FAM240A: variants seen among roughly 807,000 people sequenced by gnomAD.
FAM240A encodes the protein protein FAM240A.
In FAM240A, 8 loss-of-function variants were observed where a neutral mutation model predicts 7.3. That is an observed-to-expected ratio of 1.09 (90% CI 0.64 to 1.97). The LOEUF (loss-of-function observed/expected upper bound fraction) is 1.97. Among genes scored for constraint, FAM240A ranks in the 30% most tolerant of loss-of-function variants. The probability of loss-of-function intolerance (pLI) is 0.00; values close to 1 mark genes in which losing one functional copy is unlikely to be tolerated. For synonymous variants in FAM240A, 32 were observed against 35.9 expected, an observed-to-expected ratio of 0.89 and a Z score of 0.38; for missense variants, 90 against 102.2, an observed-to-expected ratio of 0.88 and a Z score of 0.52.
In FAM240A at chr3:46,625,382, G is replaced by A; in HGVS notation, c.*164G>A. The A allele has an allele frequency of 2.1e-6, 1 of 478,042 alleles. No individual in the cohort carries two copies. The highest frequency in any genetic ancestry group is 3.7e-6 in the Non-Finnish European group (1 of 266,832). 29.6% of individuals were successfully genotyped at this position (478,042 alleles called of 1,614,324 possible). ...TGTAAATCCTTTCCCAGTGTTTGAT[G>A]GCAGTTATTGGCCAAGTCAGTCCTC... On this transcript the variant is annotated 3_prime_UTR_variant, in exon 3 of 3. Coordinates refer to ENST00000640551, the MANE Select transcript of FAM240A (RefSeq NM_001195442.2).
intron 1 of FAM240A, among the ~76,000 whole-genome samples, 168 bp from the exon 2 acceptor site, chr3:46,617,015 A>G (rs1229880931): frequency 3.1e-5 from 2 of 64,698 alleles, no homozygotes; most frequent in Non-Finnish European, 4.5e-5. Context: ...ATCTGCACCA[A>G]CACCTATTAG....
chr3:46,619,746 C>A (rs1293990798), intron 2 of FAM240A, among the ~76,000 whole-genome samples: 1 of 152,172 alleles, frequency 6.6e-6, no homozygotes, highest in Non-Finnish European at 1.5e-5. Flanking sequence ...AGCATGGCAC[C>A]CTCCAATCTC....
chr3:46,624,976 TA>T (rs1279245774), intron 2 of FAM240A, among the ~76,000 whole-genome samples, 151 bp from the exon 3 acceptor site: 4 of 149,786 alleles, frequency 2.7e-5, no homozygotes, highest in Non-Finnish European at 3.0e-5. Flanking sequence ...TATATATATA[TA>T]TATATTTAAA....
At position 46,612,634 on chromosome 3, in the gene FAM240A, TC is replaced by T. The variant is rs1469703153; in HGVS notation, c.-49del. On this transcript the variant is annotated 5_prime_UTR_variant, in exon 1 of 3. An upstream open reading frame in the 5' UTR gains an earlier in-frame stop. Transcript: ENST00000640551. The stretch of plus-strand genomic sequence containing the variant: ...GGCAGCACAGATGCCTCACAGGCGG[TC>T]AAGTGCGACACATTTGGTTCGACTG... The T allele has an allele frequency of 1.3e-6, 2 of 1,509,500 alleles. No homozygotes were observed. Among genetic ancestry groups the T allele is most frequent in the Non-Finnish European group, 8.9e-7 (1 of 1,122,396 alleles). 93.5% of individuals were successfully genotyped at this position (1,509,500 alleles called of 1,614,324 possible).
intron 1 of FAM240A, among the ~76,000 whole-genome samples, chr3:46,613,137 T>A (rs1327264853): frequency 2.0e-5 from 3 of 152,204 alleles, no homozygotes; most frequent in Non-Finnish European, 4.4e-5. Flanking sequence ...TGAAATTCAC[T>A]CATATAAAAT....
intron 1 of FAM240A, 146 bp downstream of exon 1, chr3:46,612,844 G>A: frequency 1.5e-6 from 1 of 675,814 alleles, no homozygotes; most frequent in Non-Finnish European, 2.6e-6. Flanking sequence ...TTGGGCAGAG[G>A]GGATACAGAG....
At chr3:46,622,169 G>A (rs1244635217) in intron 2 of FAM240A, among the ~76,000 whole-genome samples, 1 of 133,016 alleles carries the variant, frequency 7.5e-6, no homozygotes, top group Non-Finnish European at 1.5e-5. Flanking sequence ...GCAGTGGCTC[G>A]ATCTTGGCCC....
intron 2 of FAM240A, among the ~76,000 whole-genome samples, chr3:46,617,789 C>T (rs1377788458): frequency 6.6e-6 from 1 of 152,198 alleles, no homozygotes; most frequent in Non-Finnish European, 1.5e-5. Flanking sequence ...GCCCAGTTCT[C>T]AGCACCCATT....
intron 2 of FAM240A, among the ~76,000 whole-genome samples, chr3:46,617,670 TCCTCTCTGTCACCATGTCA>T (rs1314929679): frequency 3.3e-5 from 5 of 152,316 alleles, no homozygotes; most frequent in African/African-American, 1.2e-4. Flanking sequence ...GAAAACTCTC[TCCTCTCTGTCACCATGTCA>T]CCTTCTAGCA....
chr3:46,620,293 CT>C (rs1697680083), intron 2 of FAM240A, among the ~76,000 whole-genome samples: 1 of 147,264 alleles, frequency 6.8e-6, no homozygotes, highest in Non-Finnish European at 1.5e-5. Context: ...ACTACAGCTC[CT>C]GCTGCAGAGC....
At chr3:46,613,831 A>G (rs1038561715) in intron 1 of FAM240A, among the ~76,000 whole-genome samples, 1 of 152,198 alleles carries the variant, frequency 6.6e-6, no homozygotes, top group African/African-American at 2.4e-5. Context: ...ACTCCCTGTT[A>G]TCTGAAGTCC....
chr3:46,613,498 A>AATAAATAAATAAATAAAT (rs1269603622), intron 1 of FAM240A, among the ~76,000 whole-genome samples: 3 of 150,512 alleles, frequency 2.0e-5, no homozygotes, highest in African/African-American at 7.3e-5. Flanking sequence ...CTTCTAAATA[A>AATAAATAAATAAATAAAT]ATAAATAAAT....
chr3:46,616,728 C>CAT (rs1366384136), intron 1 of FAM240A, among the ~76,000 whole-genome samples: 3 of 147,004 alleles, frequency 2.0e-5, no homozygotes, highest in Non-Finnish European at 3.0e-5. Context: ...CACACACACA[C>CAT]ATAAAACATT....
At chr3:46,618,007 AG>A (rs1363214510) in intron 2 of FAM240A, among the ~76,000 whole-genome samples, 1 of 152,200 alleles carries the variant, frequency 6.6e-6, no homozygotes, top group African/African-American at 2.4e-5. Context: ...GGCTGCAGGG[AG>A]GGACCGCCCT....
intron 2 of FAM240A, among the ~76,000 whole-genome samples, chr3:46,622,308 G>A (rs532299722): frequency 1.3e-5 from 2 of 151,574 alleles, no homozygotes; most frequent in African/African-American, 2.4e-5. Context: ...GGGTTTCACC[G>A]TGTTAGCCAG....
At chr3:46,618,009 G>A (rs1163417002) in intron 2 of FAM240A, among the ~76,000 whole-genome samples, 1 of 152,194 alleles carries the variant, frequency 6.6e-6, no homozygotes, top group Non-Finnish European at 1.5e-5. Context: ...CTGCAGGGAG[G>A]GACCGCCCTT....
At chr3:46,618,559 G>T (rs117808692) in intron 2 of FAM240A, among the ~76,000 whole-genome samples, 1 of 152,062 alleles carries the variant, frequency 6.6e-6, no homozygotes, top group African/African-American at 2.4e-5. Context: ...ATATACATGC[G>T]GCCGGGTGCG....
At chr3:46,617,821 C>T (rs1006394742) in intron 2 of FAM240A, among the ~76,000 whole-genome samples, 2 of 152,208 alleles carry the variant, frequency 1.3e-5, no homozygotes, top group Non-Finnish European at 2.9e-5. Flanking sequence ...ACAAGATGGC[C>T]TGCGTGGTTC....
intron 1 of FAM240A, among the ~76,000 whole-genome samples, chr3:46,613,366 C>T (rs1001211508): frequency 6.6e-6 from 1 of 151,962 alleles, no homozygotes; most frequent in South Asian, 2.1e-4. Flanking sequence ...TGGTAGCAGG[C>T]ACCTGTAATC....
Sources: gnomAD v4.1 joint callset for allele counts (sites outside exome capture counted in the v4.1 genomes callset) on GRCh38, gnomAD v4.1.1 for gene constraint, MANE v1.5 for transcripts, NCBI Gene and HGNC (gene_info 2026-07-23, HGNC 2026-07-21) for gene names.